Variants in ADAMTSL1 observed in about 807,000 individuals in gnomAD.
ADAMTSL1 encodes the protein ADAMTS-like protein 1.
In ADAMTSL1, 126 loss-of-function variants were observed where a neutral mutation model predicts 201.8. The ratio of observed to expected loss-of-function variants is 0.62; its 90% CI spans 0.54 to 0.72. ADAMTSL1 has a LOEUF of 0.72. ADAMTSL1 is among the 30% of genes least tolerant of loss of function. ADAMTSL1 has a pLI of 0.00. For missense variants in ADAMTSL1, 2,679 were observed against 2,277.8 expected (o/e 1.18, Z -3.59); for synonymous variants, 1,121 against 903.4 (o/e 1.24, Z -4.32).
chr9:18,063,509 G>A (rs1002798247), intron 1 of ADAMTSL1, among the ~76,000 whole-genome samples: 4 of 152,178 alleles, frequency 2.6e-5, no homozygotes, highest in Non-Finnish European at 5.9e-5. Context: ...TTCATTTTCA[G>A]TTTTGGAAGA....
chr9:18,015,201 A>AC (rs773835748), intron 1 of ADAMTSL1, among the ~76,000 whole-genome samples: 4 of 152,040 alleles, frequency 2.6e-5, no homozygotes, highest in Non-Finnish European at 5.9e-5. Flanking sequence ...GAGTTGGAAC[A>AC]CAGGTGTGTC....
At chr9:18,112,928 G>A (rs1233714717) in intron 1 of ADAMTSL1, among the ~76,000 whole-genome samples, 1 of 152,130 alleles carries the variant, frequency 6.6e-6, no homozygotes, top group Non-Finnish European at 1.5e-5. Flanking sequence ...ACCATCATTT[G>A]TATGTGGCTT....
chr9:18,050,791 C>G (rs10963415), intron 1 of ADAMTSL1, among the ~76,000 whole-genome samples: 49,318 of 151,914 alleles, frequency 0.32, 8,501 homozygotes, highest in Non-Finnish European at 0.39. Context: ...AGAGATGAGG[C>G]TGCCTTCCCA....
chr9:18,101,864 G>T (rs1824539865), intron 1 of ADAMTSL1, among the ~76,000 whole-genome samples: 3 of 152,160 alleles, frequency 2.0e-5, no homozygotes, highest in Admixed American at 6.5e-5. Context: ...ATCAGAGGAT[G>T]GGGTTGCTCT....
At chr9:18,192,254 G>T (rs1332848238) in intron 2 of ADAMTSL1, among the ~76,000 whole-genome samples, 1 of 152,062 alleles carries the variant, frequency 6.6e-6, no homozygotes, top group Non-Finnish European at 1.5e-5. Flanking sequence ...CTAAGACTTT[G>T]TTTGATATTG....
chr9:18,175,642 G>A (rs190100455), intron 2 of ADAMTSL1, among the ~76,000 whole-genome samples: 3 of 152,096 alleles, frequency 2.0e-5, no homozygotes, highest in African/African-American at 4.8e-5. Context: ...GACTTCTTCT[G>A]CCTGGAATGT....
intron 14 of ADAMTSL1, among the ~76,000 whole-genome samples, chr9:18,707,448 G>A (rs968612612): frequency 2.0e-5 from 3 of 152,208 alleles, no homozygotes; most frequent in African/African-American, 4.8e-5. Flanking sequence ...GAGTCCCTCC[G>A]ATGTACTCAG....
At chr9:18,152,558 C>A (rs907064130) in intron 1 of ADAMTSL1, among the ~76,000 whole-genome samples, 6 of 151,844 alleles carry the variant, frequency 4.0e-5, no homozygotes, top group Admixed American at 1.3e-4. Context: ...GGGTTGGAGG[C>A]CCAGGAGGAC....
At chr9:18,585,711 T>C (rs1587642878) in intron 4 of ADAMTSL1, among the ~76,000 whole-genome samples, 1 of 152,122 alleles carries the variant, frequency 6.6e-6, no homozygotes, top group Non-Finnish European at 1.5e-5. Context: ...CTCAACAAAA[T>C]ACTGGCAAAC....
At chr9:18,050,880 G>T (rs992355570) in intron 1 of ADAMTSL1, among the ~76,000 whole-genome samples, 22 of 152,158 alleles carry the variant, frequency 1.4e-4, no homozygotes, top group African/African-American at 5.1e-4. Flanking sequence ...TTCAAACCTT[G>T]TGTTGGTGAT....
intron 1 of ADAMTSL1, among the ~76,000 whole-genome samples, chr9:18,495,562 A>G (rs1350651024): frequency 6.6e-6 from 1 of 152,204 alleles, no homozygotes. Context: ...CCTACTCCCA[A>G]AACTGCAAAA....
intron 26 of ADAMTSL1, among the ~76,000 whole-genome samples, chr9:18,895,872 A>G (rs1380665140): frequency 2.6e-5 from 4 of 152,264 alleles, no homozygotes; most frequent in Admixed American, 2.0e-4. Flanking sequence ...TTAAGGAAGA[A>G]AATAAACATA....
chr9:18,729,048 C>T (rs1470356413), intron 15 of ADAMTSL1, among the ~76,000 whole-genome samples: 1 of 152,156 alleles, frequency 6.6e-6, no homozygotes, highest in Non-Finnish European at 1.5e-5. Context: ...GTGATCTGGA[C>T]CATAACATTT....
rs1554648756 is a variant in ADAMTSL1, at chr9:18,853,919, G to GTGTGTGTGCA, written c.4249+23942_4249+23943insTGTGTGTGCA. On this transcript the variant is annotated intron_variant, in intron 23 of 28. Coordinates refer to ENST00000380548, the MANE Select transcript of ADAMTSL1 (RefSeq NM_001040272.6). ...TGTGTGTGTGTGTGTGTGTGTGTGT[G>GTGTGTGTGCA]CGCGTGCATGCAAATAGTTGATTAT... Among the ~76,000 whole-genome samples the GTGTGTGTGCA allele has an allele frequency of 2.7e-3, 136 of 49,884 alleles. 1 individual carries two copies. Among genetic ancestry groups the GTGTGTGTGCA allele is most frequent in the South Asian group, 0.017 (22 of 1,264 alleles). The allele number at this position is 49,884 out of a possible 152,430, so 32.7% of individuals were successfully genotyped here. A position where few individuals can be genotyped will look rare whatever the true frequency, so the allele number is the denominator to read the frequency against.
At chr9:18,504,484 C>G (rs1297943008) in intron 1 of ADAMTSL1, among the ~76,000 whole-genome samples, 3 of 152,182 alleles carry the variant, frequency 2.0e-5, no homozygotes, top group African/African-American at 7.2e-5. Context: ...TTTCCTTTCA[C>G]TAAGAGATGA....
At chr9:18,840,275 C>G (rs1432746173) in intron 23 of ADAMTSL1, among the ~76,000 whole-genome samples, 3 of 152,030 alleles carry the variant, frequency 2.0e-5, no homozygotes, top group African/African-American at 7.2e-5. Context: ...TTTCCCAGCA[C>G]CATTTATTAA....
At chr9:18,050,041 T>A (rs1821862617) in intron 1 of ADAMTSL1, among the ~76,000 whole-genome samples, 1 of 152,238 alleles carries the variant, frequency 6.6e-6, no homozygotes, top group Non-Finnish European at 1.5e-5. Flanking sequence ...TATGTTTACA[T>A]ATTCCTTGAA....
Position 18,099,369 on chromosome 9 carries a change from T to A in ADAMTSL1, c.88-64493T>A, listed in dbSNP as rs865863355. 2.2e-3 allele frequency among the ~76,000 whole-genome samples: 212 copies of A among 95,638 alleles called. 4 individuals are homozygous for A. Among genetic ancestry groups the A allele is most frequent in the African/African-American group, 9.6e-3 (206 of 21,366 alleles). The allele number at this position is 95,638 out of a possible 152,430, so 62.7% of individuals were successfully genotyped here. Reference sequence around the variant, plus strand: ...TATATATATATATTTTTTTTTTTTTTTTTAACATCCATTAATTTTACTAGG... The same window carrying A: ...TATATATATATATTTTTTTTTTTTTATTTAACATCCATTAATTTTACTAGG... On this transcript the variant is annotated intron_variant, in intron 1 of 29. Transcript: ENST00000680146.
intron 7 of ADAMTSL1, among the ~76,000 whole-genome samples, chr9:18,646,506 G>C (rs902710942): frequency 6.7e-6 from 1 of 150,264 alleles, no homozygotes; most frequent in African/African-American, 2.5e-5. Context: ...TGCCCATTCA[G>C]TATGATATTG....
Sources: allele counts gnomAD v4.1 joint callset (sites outside exome capture counted in the v4.1 genomes callset), GRCh38; gene constraint gnomAD v4.1.1; transcripts MANE v1.5; gene names NCBI Gene and HGNC (gene_info 2026-07-23, HGNC 2026-07-21).